The following MIDEAS variants were observed in gnomAD, a reference collection of about 807,000 sequenced individuals.
MIDEAS encodes mitotic deacetylase associated SANT domain protein.
In MIDEAS, 26 loss-of-function variants were observed where a neutral mutation model predicts 102.7. The ratio of observed to expected loss-of-function variants is 0.25; its 90% CI spans 0.19 to 0.35. MIDEAS has a LOEUF of 0.35. MIDEAS is among the 10% of genes least tolerant of loss of function. The probability of loss-of-function intolerance (pLI) is 1.00; values close to 1 mark genes in which losing one functional copy is unlikely to be tolerated. For missense variants in MIDEAS, 1,231 were observed against 1,435.6 expected (o/e 0.86, Z 2.30); for synonymous variants, 585 against 591.0 (o/e 0.99, Z 0.15).
chr14:73,770,022 AAAT>A (rs1175317360), intron 1 of MIDEAS, among the ~76,000 whole-genome samples: 1 of 151,996 alleles, frequency 6.6e-6, no homozygotes, highest in Non-Finnish European at 1.5e-5. Context: ...TATCCCATAA[AAAT>A]AATCTAAAAT....
At chr14:73,722,210 T>C (rs934540006) in intron 10 of MIDEAS, among the ~76,000 whole-genome samples, 1 of 152,242 alleles carries the variant, frequency 6.6e-6, no homozygotes, top group East Asian at 1.9e-4. Flanking sequence ...CAGTACCTTC[T>C]ATTTATAGCA....
Position 73,725,659 on chromosome 14 carries a change from C to T in MIDEAS, c.2486-299G>A, listed in dbSNP as rs1368163673. On this transcript the variant is annotated intron_variant, in intron 8 of 12. Transcript: ENST00000423556. The surrounding 1 kb of genome is among the most constrained non-coding windows in gnomAD (Gnocchi z 4.1). ...CACTAACATGCATGGAAAACATTGG[C>T]TGTTAGGATTATGTGACTCGGTCCA... Among the ~76,000 whole-genome samples the T allele has an allele frequency of 2.0e-5, 3 of 152,210 alleles. No individual in the cohort carries two copies. The highest frequency in any genetic ancestry group is 1.9e-4 in the East Asian group (1 of 5,204).
At chr14:73,788,550 T>C (rs2053840285), upstream of MIDEAS, among the ~76,000 whole-genome samples, 1 of 152,158 alleles carries the variant, frequency 6.6e-6, no homozygotes, top group Non-Finnish European at 1.5e-5. Context: ...CAACATGAAA[T>C]CCTCCACGTT....
chr14:73,773,118 G>A (rs551398349), intron 1 of MIDEAS, among the ~76,000 whole-genome samples: 35 of 148,764 alleles, frequency 2.4e-4, no homozygotes, highest in African/African-American at 8.2e-4. Context: ...GATTACAGAT[G>A]TAAGCCACCA....
Position 73,725,453 on chromosome 14 carries a change from GC to G in MIDEAS, c.2486-94del. 1 of 1,016,394 alleles carries G rather than the reference GC, an allele frequency of 9.8e-7. No homozygotes were observed. The highest frequency in any genetic ancestry group is 1.6e-6 in the Non-Finnish European group (1 of 644,566). The allele number at this position is 1,016,394 out of a possible 1,614,324, so 63.0% of individuals were successfully genotyped here. ...CAAGCAAAAAAGTGTGAGGCCATCC[GC>G]CCATGGTTTCTGCAGGCATCAGAGC... On this transcript the variant is annotated intron_variant, in intron 8 of 12. Coordinates refer to ENST00000423556, the MANE Select transcript of MIDEAS (RefSeq NM_001367710.1). This position sits in a 1 kb window ranked among gnomAD's most constrained non-coding sequence, Gnocchi z 4.1.
chr14:73,758,375 C>G (rs2053511126), intron 1 of MIDEAS, among the ~76,000 whole-genome samples: 1 of 152,226 alleles, frequency 6.6e-6, no homozygotes, highest in African/African-American at 2.4e-5. Flanking sequence ...TTTCTCCCCT[C>G]AGCTGAGGCC....
At chr14:73,744,144 C>T (rs894715513) in intron 1 of MIDEAS, among the ~76,000 whole-genome samples, 1 of 152,124 alleles carries the variant, frequency 6.6e-6, no homozygotes, top group Non-Finnish European at 1.5e-5. Context: ...GTGTTCAATG[C>T]TGATGGTGAC....
At chr14:73,780,034 A>G (rs1322140154) in intron 1 of MIDEAS, among the ~76,000 whole-genome samples, 2 of 147,618 alleles carry the variant, frequency 1.4e-5, no homozygotes, top group Non-Finnish European at 3.0e-5. Context: ...CACCACGCCC[A>G]GCTAATTTTT....
intron 1 of MIDEAS, among the ~76,000 whole-genome samples, chr14:73,778,463 G>A (rs1283960518): frequency 6.6e-6 from 1 of 151,896 alleles, no homozygotes; most frequent in East Asian, 1.9e-4. Context: ...AATGCCACGT[G>A]TCAGCACAGC....
At chr14:73,786,455 A>C (rs963882928) in intron 1 of MIDEAS, among the ~76,000 whole-genome samples, 4 of 152,192 alleles carry the variant, frequency 2.6e-5, no homozygotes, top group Non-Finnish European at 5.9e-5. Context: ...TTTATGGCTA[A>C]ATTGCAAAGT....
chr14:73,718,805 G>A lies in MIDEAS; in HGVS notation c.*38C>T. The A allele has an allele frequency of 7.3e-7, 1 of 1,372,720 alleles. No individual in the cohort carries two copies. Among genetic ancestry groups the A allele is most frequent in the Non-Finnish European group, 9.3e-7 (1 of 1,069,916 alleles). The allele number at this position is 1,372,720 out of a possible 1,614,324, so 85.0% of individuals were successfully genotyped here. A position where few individuals can be genotyped will look rare whatever the true frequency, so the allele number is the denominator to read the frequency against. On this transcript the variant is annotated 3_prime_UTR_variant, in exon 13 of 13. Coordinates refer to ENST00000423556, the MANE Select transcript of MIDEAS (RefSeq NM_001367710.1). ...CGGGCGCTGGCGGCGGTGCGGGAAGGGCCGAGGCCCAGGACTGGGCCAGCC... is the reference window on the plus strand; with the variant it reads ...CGGGCGCTGGCGGCGGTGCGGGAAGAGCCGAGGCCCAGGACTGGGCCAGCC...
intron 12 of MIDEAS, 74 bp downstream of exon 12, chr14:73,719,231 C>A: frequency 7.0e-7 from 1 of 1,430,980 alleles, no homozygotes; most frequent in Middle Eastern, 2.6e-4. Flanking sequence ...TTCCCCCTCC[C>A]CTCCACCCCA....
intron 1 of MIDEAS, among the ~76,000 whole-genome samples, chr14:73,745,304 C>T (rs1279217632): frequency 1.3e-5 from 2 of 152,244 alleles, no homozygotes; most frequent in Non-Finnish European, 2.9e-5. Context: ...CCTGCTGCCC[C>T]ACAACACATG....
chr14:73,786,106 C>T (rs1427188040), intron 1 of MIDEAS, among the ~76,000 whole-genome samples: 1 of 152,220 alleles, frequency 6.6e-6, no homozygotes, highest in Admixed American at 6.5e-5. Flanking sequence ...TCTAGGACAC[C>T]CCATCTCGAG....
intron 3 of MIDEAS, among the ~76,000 whole-genome samples, chr14:73,731,615 G>A (rs942278760): frequency 2.2e-4 from 34 of 152,210 alleles, no homozygotes; most frequent in Admixed American, 2.2e-3. Context: ...AAATAGTCAT[G>A]TTCATTTTTT....
At chr14:73,783,747 T>C (rs1037257071) in intron 1 of MIDEAS, among the ~76,000 whole-genome samples, 2 of 152,072 alleles carry the variant, frequency 1.3e-5, no homozygotes, top group Non-Finnish European at 2.9e-5. Context: ...GATGCTTCAG[T>C]GAGAACAAGA....
chr14:73,727,460 C>G lies in MIDEAS; in HGVS notation c.2160G>C (p.Glu720Asp), dbSNP rs1164239652. The stretch of plus-strand genomic sequence containing the variant: ...GCCAGGGGCAGGGCTGCACTTACGG[C>G]TCGATGCTCACTGGGGTGGCCTCCC... ...VMGEATPVSIEPRINVGSRFQ... is the reference protein window; with the variant it reads ...VMGEATPVSIDPRINVGSRFQ... Residue 720 changes from glutamate to aspartate, a missense_variant and splice_region_variant, in exon 5 of 13, where the codon GAG becomes GAC. This residue lies in a region of MIDEAS where 391 missense variants were observed against 483.0 expected (regional missense o/e 0.81). Coordinates refer to ENST00000423556, the MANE Select transcript of MIDEAS (RefSeq NM_001367710.1). 1 of 1,614,028 alleles carries G rather than the reference C, an allele frequency of 6.2e-7. No individual in the cohort carries two copies. Among genetic ancestry groups the G allele is most frequent in the Admixed American group, 1.7e-5 (1 of 60,018 alleles).
chr14:73,744,679 C>T (rs1234516940), intron 1 of MIDEAS, among the ~76,000 whole-genome samples: 5 of 150,870 alleles, frequency 3.3e-5, no homozygotes, highest in Non-Finnish European at 5.9e-5. Context: ...TCCCTGCAGA[C>T]CTTGGCTCCT....
intron 1 of MIDEAS, among the ~76,000 whole-genome samples, chr14:73,779,266 G>C (rs2140176699): frequency 6.6e-6 from 1 of 151,214 alleles, no homozygotes; most frequent in South Asian, 2.1e-4. Flanking sequence ...GTGGTGGCGG[G>C]TGCCTGTAGT....
Sources: gnomAD v4.1 joint callset for allele counts (sites outside exome capture counted in the v4.1 genomes callset) on GRCh38, gnomAD v4.1.1 for gene constraint, gnomAD v4.1.1 regional missense constraint, Gnocchi (gnomAD v3.1) non-coding constraint, MANE v1.5 for transcripts, NCBI Gene and HGNC (gene_info 2026-07-23, HGNC 2026-07-21) for gene names.